The following SEC23A variants were observed in gnomAD, a reference collection of about 807,000 sequenced individuals.
SEC23A encodes SEC23 homolog A, COPII component, also known as protein transport protein Sec23A.
In SEC23A, 56 loss-of-function variants were observed where a neutral mutation model predicts 103.7. The ratio of observed to expected loss-of-function variants is 0.54; its 90% CI spans 0.44 to 0.67. The LOEUF (loss-of-function observed/expected upper bound fraction) is 0.67, where lower values mean the gene tolerates loss of function less well. Ranked by LOEUF, SEC23A falls within the 30% of genes least tolerant of loss-of-function variation. The pLI, the probability that SEC23A is intolerant of heterozygous loss-of-function variation, is 0.00. For missense variants in SEC23A, 784 were observed against 936.4 expected, an observed-to-expected ratio of 0.84 and a Z score of 2.12; for synonymous variants, 281 against 293.0, an observed-to-expected ratio of 0.96 and a Z score of 0.42.
At chr14:39,063,803 TG>T (rs1886558691) in intron 11 of SEC23A, among the ~76,000 whole-genome samples, 1 of 151,976 alleles carries the variant, frequency 6.6e-6, no homozygotes, top group South Asian at 2.1e-4. Flanking sequence ...GAGACCATCC[TG>T]GCTAACACGG....
intron 15 of SEC23A, chr14:39,047,540 G>A: frequency 2.7e-6 from 1 of 376,376 alleles, no homozygotes; most frequent in East Asian, 1.1e-4. Context: ...CTCTGAAAAA[G>A]AAAGCTGATG....
At chr14:39,091,852 C>T in intron 4 of SEC23A, 139 bp from the exon 5 acceptor site, 1 of 689,346 alleles carries the variant, frequency 1.5e-6, no homozygotes, top group South Asian at 1.6e-5. Context: ...GTTATTTCTA[C>T]TGTCATGGAG....
Position 39,076,036 on chromosome 14 carries a change from G to C in SEC23A, c.886C>G (p.Gln296Glu), listed in dbSNP as rs777529763. ...TCTCCAACCACCATTCCAGGCCCCT[G>C]AGTAGCAGGACCACCAATGAACATC... ...IMMFIGGPAT[Q>E]GPGMVVGDEL... The change falls in exon 8 of 20, where the codon CAG becomes GAG. Residue 296 changes from glutamine (Q) to glutamate (E), a missense_variant. Gln to Glu is a conservative substitution (Grantham distance 29). Transcript: ENST00000307712. 1 of 1,613,476 alleles carries C rather than the reference G, an allele frequency of 6.2e-7. No individual in the cohort carries two copies.
intron 13 of SEC23A, among the ~76,000 whole-genome samples, chr14:39,059,733 A>G (rs1420577030): frequency 6.6e-6 from 1 of 152,188 alleles, no homozygotes; most frequent in South Asian, 2.1e-4. Flanking sequence ...TTCAGTGTAT[A>G]TCTCCTAAGA....
chr14:39,050,286 C>T (rs137966007), intron 14 of SEC23A, among the ~76,000 whole-genome samples: 2 of 152,276 alleles, frequency 1.3e-5, no homozygotes, highest in East Asian at 3.9e-4. Flanking sequence ...AAAATAACAT[C>T]CCTTACAAAA....
chr14:39,042,771 C>T lies in SEC23A; in HGVS notation c.1986+15G>A, dbSNP rs757240112. 81 of 1,518,874 alleles carry T rather than the reference C, an allele frequency of 5.3e-5. No individual in the cohort carries two copies. Among genetic ancestry groups the T allele is most frequent in the Non-Finnish European group, 6.2e-5 (68 of 1,093,750 alleles). The allele number at this position is 1,518,874 out of a possible 1,614,324, so 94.1% of individuals were successfully genotyped here. A position where few individuals can be genotyped will look rare whatever the true frequency, so the allele number is the denominator to read the frequency against. ...GACTTTACATGCATAGCTTTAAATGCTATTGAAATCTTACCTCACCATGAT... is the reference window on the plus strand; with the variant it reads ...GACTTTACATGCATAGCTTTAAATGTTATTGAAATCTTACCTCACCATGAT... On this transcript the variant is annotated intron_variant, in intron 17 of 19. Transcript: ENST00000307712.
chr14:39,045,319 CAT>C lies in SEC23A; in HGVS notation c.1741_1742del (p.Met581ValfsTer13). On this transcript the variant is annotated frameshift_variant, in exon 16 of 20. Coordinates refer to ENST00000307712, the MANE Select transcript of SEC23A (RefSeq NM_006364.4). LOFTEE classifies it high-confidence loss of function. The stretch of plus-strand genomic sequence containing the variant: ...GGAAAGAAGATCTTCTTAAATGAAA[CAT>C]AAACTGTAAGATAAACACGTAAGAT... Reference protein sequence around the residue: ...SETFSLYPQFMFHLRRSSFLQ... With the variant: ...SETFSLYPQFXFHLRRSSFLQ... The C allele has an allele frequency of 6.2e-7, 1 of 1,605,128 alleles. No individual in the cohort carries two copies. The highest frequency in any genetic ancestry group is 8.5e-7 in the Non-Finnish European group (1 of 1,172,372).
chr14:39,074,576 T>C (rs748112557), intron 8 of SEC23A, 46 bp from the exon 9 acceptor site: 2 of 1,233,124 alleles, frequency 1.6e-6, no homozygotes, highest in South Asian at 2.4e-5. Flanking sequence ...AATTGTCCTA[T>C]AAATCTTTTT....
intron 1 of SEC23A, among the ~76,000 whole-genome samples, chr14:39,102,552 A>T (rs959723165): frequency 1.7e-4 from 26 of 152,072 alleles, no homozygotes; most frequent in Non-Finnish European, 3.2e-4. Context: ...GGAAAACTGA[A>T]CTCTTTGTAA....
At chr14:39,064,693 C>A (rs921540681) in intron 11 of SEC23A, 11 of 547,314 alleles carry the variant, frequency 2.0e-5, no homozygotes, top group Non-Finnish European at 3.3e-5. Flanking sequence ...GGCTGCCACC[C>A]CAAGTTTTTA....
chr14:39,049,984 GGTCTC>G (rs1197343475), intron 14 of SEC23A, among the ~76,000 whole-genome samples: 2 of 151,888 alleles, frequency 1.3e-5, no homozygotes, highest in African/African-American at 4.8e-5. Context: ...TAGCCAGGAT[GGTCTC>G]GATCTCCTGA....
At chr14:39,060,833 G>A (rs1477425048) in intron 13 of SEC23A, among the ~76,000 whole-genome samples, 1 of 152,126 alleles carries the variant, frequency 6.6e-6, no homozygotes. Flanking sequence ...AATAAGAAAA[G>A]GTATCTGTTG....
intron 7 of SEC23A, among the ~76,000 whole-genome samples, chr14:39,083,102 G>A (rs1221619067): frequency 2.0e-5 from 3 of 152,098 alleles, no homozygotes; most frequent in Admixed American, 2.0e-4. Context: ...TGGTTCATAG[G>A]AAATACAAAG....
At chr14:39,076,852 G>A (rs1426605263) in intron 7 of SEC23A, among the ~76,000 whole-genome samples, 27 of 151,692 alleles carry the variant, frequency 1.8e-4, no homozygotes, top group African/African-American at 4.6e-4. Context: ...GCTTGAACGC[G>A]GGAGGTGGAG....
chr14:39,094,901 T>C (rs1887833293), intron 2 of SEC23A: 2 of 658,552 alleles, frequency 3.0e-6, no homozygotes, highest in East Asian at 2.7e-5. Flanking sequence ...CAAGGCTTTA[T>C]AGATCTTGAT....
intron 7 of SEC23A, among the ~76,000 whole-genome samples, chr14:39,083,856 C>T (rs113239653): frequency 0.035 from 5,265 of 151,962 alleles, 328 homozygotes; most frequent in African/African-American, 0.12. Context: ...TGAGCCAACA[C>T]GCCAAGCCCA....
intron 7 of SEC23A, among the ~76,000 whole-genome samples, chr14:39,084,668 G>GTTT (rs1287484431): frequency 6.6e-6 from 1 of 151,764 alleles, no homozygotes; most frequent in Non-Finnish European, 1.5e-5. Flanking sequence ...AGTACCTTTT[G>GTTT]TTTTTTGTTT....
chr14:39,059,044 G>A (rs534950636), intron 13 of SEC23A, among the ~76,000 whole-genome samples: 4 of 151,872 alleles, frequency 2.6e-5, no homozygotes, highest in South Asian at 4.2e-4. Context: ...TTAAAAGGTG[G>A]GCTCTTAAAG....
rs528953691 is a variant in SEC23A at position 39,070,904 on chromosome 14, G to A, written c.1103+3511C>T. On this transcript the variant is annotated intron_variant, in intron 9 of 19. Transcript: ENST00000307712. The stretch of plus-strand genomic sequence containing the variant: ...TAGCTGGACGTAGTGGCGCATGCCT[G>A]TAGTCCCAGCTACTCAGGAGGCTGA... Among the ~76,000 whole-genome samples, 39 of 152,298 alleles carry A rather than the reference G, an allele frequency of 2.6e-4. 2 individuals are homozygous for A. The South Asian group carries it at 8.1e-3, about 32-fold the overall frequency.
Sources: allele counts gnomAD v4.1 joint callset (sites outside exome capture counted in the v4.1 genomes callset), GRCh38; gene constraint gnomAD v4.1.1; transcripts MANE v1.5; gene names NCBI Gene and HGNC (gene_info 2026-07-23, HGNC 2026-07-21).